The following DPYD variants were observed in gnomAD, a reference collection of about 807,000 sequenced individuals.
DPYD encodes the protein dihydropyrimidine dehydrogenase [NADP(+)].
In DPYD, 109 loss-of-function variants were observed where a neutral mutation model predicts 116.2. The observed-to-expected ratio is 0.94, with a 90% CI of 0.80 to 1.10. DPYD has a LOEUF of 1.10. Ranked by LOEUF, DPYD falls within the 50% of genes least tolerant of loss-of-function variation. The pLI, the probability that DPYD is intolerant of heterozygous loss-of-function variation, is 0.00. For missense variants in DPYD, 1,302 were observed against 1,254.5 expected (o/e 1.04, Z -0.57); for synonymous variants, 440 against 432.0 (o/e 1.02, Z -0.23).
intron 13 of DPYD, among the ~76,000 whole-genome samples, chr1:97,452,391 A>C (rs1395174675): frequency 6.6e-6 from 1 of 152,150 alleles, no homozygotes; most frequent in Non-Finnish European, 1.5e-5. Flanking sequence ...AGTGGTGCTA[A>C]AATAAAGTAC....
chr1:97,641,468 C>T (rs1293581888), intron 8 of DPYD, among the ~76,000 whole-genome samples: 1 of 152,126 alleles, frequency 6.6e-6, no homozygotes, highest in African/African-American at 2.4e-5. Context: ...CTACATAATC[C>T]ATCACATAAA....
chr1:97,549,529 G>T (rs1418209455), intron 12 of DPYD, 31 bp downstream of exon 12: 9 of 1,609,874 alleles, frequency 5.6e-6, no homozygotes, highest in East Asian at 2.2e-5. Flanking sequence ...CATTGGAAAA[G>T]AATTAAGTGG....
chr1:97,778,753 T>A (rs558165219), intron 3 of DPYD, among the ~76,000 whole-genome samples: 27 of 152,264 alleles, frequency 1.8e-4, no homozygotes, highest in African/African-American at 6.3e-4. Flanking sequence ...TATGCAGCAG[T>A]AAGTAATACT....
chr1:97,352,218 C>T (rs531316465), intron 16 of DPYD, among the ~76,000 whole-genome samples: 2 of 152,210 alleles, frequency 1.3e-5, no homozygotes, highest in African/African-American at 2.4e-5. Context: ...GCCAATGTGG[C>T]GTGTCCACAC....
intron 16 of DPYD, among the ~76,000 whole-genome samples, chr1:97,347,715 A>T (rs1669930158): frequency 6.6e-6 from 1 of 152,052 alleles, no homozygotes; most frequent in Admixed American, 6.6e-5. Context: ...GGTATTTATC[A>T]TGTACAACAT....
chr1:97,577,565 C>A (rs1417637056), intron 10 of DPYD, among the ~76,000 whole-genome samples: 1 of 152,126 alleles, frequency 6.6e-6, no homozygotes, highest in Non-Finnish European at 1.5e-5. Context: ...GCACTCCTAA[C>A]CTCCGTGTGT....
chr1:97,506,214 C>G (rs1220210028), intron 13 of DPYD, among the ~76,000 whole-genome samples: 1 of 151,808 alleles, frequency 6.6e-6, no homozygotes, highest in Admixed American at 6.6e-5. Context: ...GTAAGGTAAT[C>G]ATGGTATAAA....
At position 97,607,984 on chromosome 1, in the gene DPYD, CACAAAT is replaced by C. The variant is rs372886419; in HGVS notation, c.851-12824_851-12819del. 2.2e-3 allele frequency among the ~76,000 whole-genome samples: 332 copies of C among 151,866 alleles called. 4 individuals are homozygous for C. Among genetic ancestry groups the C allele is most frequent in the African/African-American group, 7.5e-3 (310 of 41,454 alleles). ...ATTAAACAGAACAAAAGCAACAAAA[CACAAAT>C]ACATATATTGTAACTATTAGAATCT... On this transcript the variant is annotated intron_variant, in intron 8 of 22. Coordinates refer to ENST00000370192, the MANE Select transcript of DPYD (RefSeq NM_000110.4).
intron 20 of DPYD, among the ~76,000 whole-genome samples, chr1:97,100,751 A>C (rs1042929934): frequency 6.6e-5 from 10 of 152,114 alleles, no homozygotes; most frequent in Admixed American, 6.6e-4. Context: ...AATGTAGTTA[A>C]ATTTAAACCA....
chr1:97,132,268 T>C (rs1333500322), intron 20 of DPYD, among the ~76,000 whole-genome samples: 1 of 152,152 alleles, frequency 6.6e-6, no homozygotes, highest in African/African-American at 2.4e-5. Context: ...GTGTAAGAAC[T>C]GTTACTAATA....
intron 3 of DPYD, among the ~76,000 whole-genome samples, chr1:97,780,701 T>A (rs1444772558): frequency 1.3e-5 from 2 of 152,138 alleles, no homozygotes; most frequent in African/African-American, 4.8e-5. Context: ...TGTCCCTTCT[T>A]TTAACTGAAA....
At chr1:97,507,298 T>G (rs1647412853) in intron 13 of DPYD, among the ~76,000 whole-genome samples, 1 of 151,972 alleles carries the variant, frequency 6.6e-6, no homozygotes, top group African/African-American at 2.4e-5. Context: ...GATAAAAAGC[T>G]TACATTGAAT....
chr1:97,860,211 T>C (rs769069616), intron 2 of DPYD, among the ~76,000 whole-genome samples: 1 of 152,044 alleles, frequency 6.6e-6, no homozygotes, highest in South Asian at 2.1e-4. Flanking sequence ...GGTGTGGTGA[T>C]GCACTCCTAT....
chr1:97,591,468 T>G (rs2786490), intron 10 of DPYD, among the ~76,000 whole-genome samples: 20,779 of 152,108 alleles, frequency 0.14, 1,641 homozygotes, highest in African/African-American at 0.2. Context: ...TAAATGTAGT[T>G]TTAATAAATG....
chr1:97,226,260 C>G (rs894636203), intron 19 of DPYD, among the ~76,000 whole-genome samples: 5 of 152,044 alleles, frequency 3.3e-5, no homozygotes, highest in African/African-American at 4.8e-5. Context: ...GGCCATATAT[C>G]ACAAGCATGC....
At chr1:97,204,462 G>A (rs977509655) in intron 19 of DPYD, among the ~76,000 whole-genome samples, 3 of 152,020 alleles carry the variant, frequency 2.0e-5, no homozygotes, top group Non-Finnish European at 4.4e-5. Flanking sequence ...TCACTAAAAG[G>A]GCACATATTT....
intron 4 of DPYD, among the ~76,000 whole-genome samples, chr1:97,733,113 T>C (rs1007091687): frequency 2.6e-5 from 4 of 152,040 alleles, no homozygotes; most frequent in African/African-American, 7.2e-5. Flanking sequence ...ATTAGTATAC[T>C]AGAGTAATTA....
intron 20 of DPYD, among the ~76,000 whole-genome samples, chr1:97,148,780 T>C (rs988885234): frequency 6.6e-6 from 1 of 152,218 alleles, no homozygotes; most frequent in Non-Finnish European, 1.5e-5. Context: ...AAACACTTGA[T>C]AAAACTTCTA....
At chr1:97,234,122 A>G (rs1661752608) in intron 19 of DPYD, among the ~76,000 whole-genome samples, 1 of 152,222 alleles carries the variant, frequency 6.6e-6, no homozygotes, top group African/African-American at 2.4e-5. Context: ...CACAGTTCAC[A>G]GTCTAGTCAT....
Sources: allele counts gnomAD v4.1 joint callset (sites outside exome capture counted in the v4.1 genomes callset), GRCh38; gene constraint gnomAD v4.1.1; transcripts MANE v1.5; gene names NCBI Gene and HGNC (gene_info 2026-07-23, HGNC 2026-07-21).